The following RRM2 variants were observed in gnomAD, a reference collection of about 807,000 sequenced individuals.
The protein encoded by RRM2 is ribonucleotide reductase regulatory subunit M2.
In RRM2, 6 loss-of-function variants were observed where a neutral mutation model predicts 45.9. The ratio of observed to expected loss-of-function variants is 0.13; its 90% CI spans 0.07 to 0.26. The LOEUF is 0.26. RRM2 is among the 10% of genes least tolerant of loss of function. The probability of loss-of-function intolerance (pLI) is 1.00; values close to 1 mark genes in which losing one functional copy is unlikely to be tolerated. For synonymous variants in RRM2, 177 were observed against 173.0 expected (o/e 1.02, Z -0.18); for missense variants, 343 against 489.5 (o/e 0.70, Z 2.82).
chr2:10,208,487 A>G (rs1302962175), intron 3 of RRM2, among the ~76,000 whole-genome samples: 1 of 152,170 alleles, frequency 6.6e-6, no homozygotes, highest in Non-Finnish European at 1.5e-5. Flanking sequence ...CTTCCTATAC[A>G]CATGTTAAAA....
chr2:10,203,237 A>G (rs1471748530), intron 3 of RRM2, among the ~76,000 whole-genome samples: 4 of 152,186 alleles, frequency 2.6e-5, no homozygotes, highest in Admixed American at 2.6e-4. Flanking sequence ...TCACTCATTC[A>G]ACATTCCTGT....
At chr2:10,144,941 A>G (rs1663158475) in intron 3 of RRM2, among the ~76,000 whole-genome samples, 1 of 152,162 alleles carries the variant, frequency 6.6e-6, no homozygotes, top group Non-Finnish European at 1.5e-5. Context: ...CAAAGTGTAC[A>G]CCATGTAGCA....
intron 3 of RRM2, among the ~76,000 whole-genome samples, chr2:10,166,294 C>T (rs72786692): frequency 0.15 from 22,427 of 152,216 alleles, 2,037 homozygotes; most frequent in Non-Finnish European, 0.2. Flanking sequence ...AGACCAGAGC[C>T]GGCTGCAGGG....
At chr2:10,178,633 T>C (rs1465442797) in intron 3 of RRM2, among the ~76,000 whole-genome samples, 1 of 152,218 alleles carries the variant, frequency 6.6e-6, no homozygotes, top group African/African-American at 2.4e-5. Context: ...GTACATGGAA[T>C]CAAGCAACTA....
chr2:10,159,425 C>T (rs1261417031), intron 3 of RRM2, among the ~76,000 whole-genome samples: 1 of 152,228 alleles, frequency 6.6e-6, no homozygotes, highest in Non-Finnish European at 1.5e-5. Flanking sequence ...ACTCCTGTAT[C>T]TAATTCTCAG....
chr2:10,160,457 G>A (rs918025516), intron 3 of RRM2, among the ~76,000 whole-genome samples: 3 of 152,190 alleles, frequency 2.0e-5, no homozygotes, highest in Admixed American at 1.3e-4. Context: ...TGAGCAAATC[G>A]ACCGAAGGTG....
At chr2:10,183,114 C>A (rs1271279438) in intron 3 of RRM2, among the ~76,000 whole-genome samples, 1 of 152,088 alleles carries the variant, frequency 6.6e-6, no homozygotes, top group Non-Finnish European at 1.5e-5. Context: ...GAGACTGCAG[C>A]GAACTATGAT....
At chr2:10,165,680 C>T (rs75645588) in intron 3 of RRM2, among the ~76,000 whole-genome samples, 46 of 152,324 alleles carry the variant, frequency 3.0e-4, no homozygotes, top group Non-Finnish European at 4.9e-4. Context: ...GTGACCAGGG[C>T]GATGAATGAC....
intron 3 of RRM2, among the ~76,000 whole-genome samples, chr2:10,206,995 C>T (rs547911245): frequency 6.6e-6 from 1 of 152,294 alleles, no homozygotes; most frequent in African/African-American, 2.4e-5. Context: ...CAATGCACTT[C>T]AGGAAGAAGG....
At chr2:10,151,290 T>A (rs1663306594) in intron 3 of RRM2, among the ~76,000 whole-genome samples, 1 of 124,222 alleles carries the variant, frequency 8.1e-6, no homozygotes, top group South Asian at 2.7e-4. Context: ...CCAGTCTGCA[T>A]GTAGATTTTT....
upstream of RRM2, among the ~76,000 whole-genome samples, chr2:10,138,579 G>A (rs957605341): frequency 5.2e-4 from 79 of 152,180 alleles, no homozygotes; most frequent in African/African-American, 1.8e-3. Flanking sequence ...GGGATTACAG[G>A]TGTGAGCCAC....
intron 3 of RRM2, among the ~76,000 whole-genome samples, chr2:10,181,737 GCTCT>G (rs777161408): frequency 0.013 from 1,637 of 124,936 alleles, 93 homozygotes; most frequent in Non-Finnish European, 0.016. Flanking sequence ...AGACTGCACA[GCTCT>G]CTCTCTCTCT....
chr2:10,123,027 G>A lies in RRM2; in HGVS notation c.144G>A (p.Ala48=), dbSNP rs750565489. Residue 48 remains alanine (A), a synonymous_variant, in exon 2 of 10, where the codon GCG becomes GCA. Coordinates refer to ENST00000304567, the MANE Select transcript of RRM2 (RefSeq NM_001034.4). ...CCCGCGTCCTGGCCAGCAAGACCGC[G>A]AGGAGGATCTTCCAGGAGCCCACGG... ...SGTRVLASKT[A]RRIFQEPTEP... is the part of the protein sequence containing the mutation. 6.4e-7 allele frequency: 1 copy of A among 1,567,300 alleles called. No individual in the cohort carries two copies. The highest frequency in any genetic ancestry group is 1.8e-5 in the Admixed American group (1 of 54,862).
intron 3 of RRM2, among the ~76,000 whole-genome samples, chr2:10,209,725 G>A (rs995965733): frequency 3.3e-5 from 5 of 152,130 alleles, no homozygotes; most frequent in Admixed American, 3.3e-4. Context: ...CCACCCGTCC[G>A]TGGAGACCTA....
chr2:10,164,059 T>C (rs1218212757), intron 3 of RRM2, among the ~76,000 whole-genome samples: 1 of 152,096 alleles, frequency 6.6e-6, no homozygotes, highest in Admixed American at 6.6e-5. Flanking sequence ...TGTGTGTGCA[T>C]GAGTGAACGT....
chr2:10,150,124 G>T (rs1239084299), intron 3 of RRM2, among the ~76,000 whole-genome samples: 1 of 151,908 alleles, frequency 6.6e-6, no homozygotes, highest in African/African-American at 2.4e-5. Flanking sequence ...GAGCAGTCTG[G>T]CCAAGAAGGT....
chr2:10,184,939 G>C (rs77386633), intron 3 of RRM2, among the ~76,000 whole-genome samples: 4,360 of 152,290 alleles, frequency 0.029, 96 homozygotes, highest in East Asian at 0.11. Context: ...TGGAAGACTT[G>C]GGTTTCAGAC....
chr2:10,147,268 G>T (rs1440988717), intron 3 of RRM2, among the ~76,000 whole-genome samples: 1 of 151,720 alleles, frequency 6.6e-6, no homozygotes, highest in Non-Finnish European at 1.5e-5. Flanking sequence ...TTTATTTAAA[G>T]ATAAGGGTTT....
chr2:10,181,044 G>A (rs897145348), intron 3 of RRM2, among the ~76,000 whole-genome samples: 1 of 152,174 alleles, frequency 6.6e-6, no homozygotes, highest in Non-Finnish European at 1.5e-5. Flanking sequence ...TGGGATTACA[G>A]GTGTGAGCCA....
Sources: gnomAD v4.1 joint callset for allele counts (sites outside exome capture counted in the v4.1 genomes callset) on GRCh38, gnomAD v4.1.1 for gene constraint, MANE v1.5 for transcripts, NCBI Gene and HGNC (gene_info 2026-07-23, HGNC 2026-07-21) for gene names.